Variants in ZFHX3 observed in about 807,000 individuals in gnomAD.
ZFHX3 encodes zinc finger homeobox protein 3.
A neutral mutation model predicts 279.1 loss-of-function variants in ZFHX3; 42 were observed. The observed-to-expected ratio is 0.15, with a 90% CI of 0.12 to 0.19. The LOEUF (loss-of-function observed/expected upper bound fraction) is 0.19, where lower values mean the gene tolerates loss of function less well. ZFHX3 is among the 10% of genes least tolerant of loss of function. ZFHX3 has a pLI of 1.00. For missense variants in ZFHX3, 4,981 were observed against 4,754.0 expected, an observed-to-expected ratio of 1.05 and a Z score of -1.40; for synonymous variants, 2,293 against 1,957.8, an observed-to-expected ratio of 1.17 and a Z score of -4.52.
Position 72,850,811 on chromosome 16 carries a change from A to C in ZFHX3, c.3449-20952T>G, listed in dbSNP as rs914514862. Among the ~76,000 whole-genome samples the C allele has an allele frequency of 4.6e-5, 7 of 152,136 alleles. No individual in the cohort carries two copies. The South Asian group carries it at 1.5e-3, about 32-fold the overall frequency. On this transcript the variant is annotated intron_variant, in intron 4 of 9. Transcript: ENST00000268489. ...AAGCCTAAAATTAAAAAAAATAATA[A>C]ATCAAAAAAGGAAGAAAAATCACTA...
At chr16:73,822,154 C>T (rs954186431) in intron 1 of ZFHX3, among the ~76,000 whole-genome samples, 3 of 152,190 alleles carry the variant, frequency 2.0e-5, no homozygotes, top group African/African-American at 7.2e-5. Context: ...CCAATGCCAG[C>T]CCAGGTGAGA....
chr16:73,175,376 T>C (rs577379468), intron 5 of ZFHX3, among the ~76,000 whole-genome samples: 2 of 143,774 alleles, frequency 1.4e-5, no homozygotes, highest in African/African-American at 5.3e-5. Context: ...AGAGACTATG[T>C]CTCCAAAACA....
intron 1 of ZFHX3, among the ~76,000 whole-genome samples, chr16:73,833,668 G>A (rs1187265036): frequency 2.0e-5 from 3 of 151,754 alleles, no homozygotes. Flanking sequence ...ATGGGTTGAT[G>A]GGTGCAGCAA....
chr16:73,051,715 A>G (rs954117527), upstream of ZFHX3, among the ~76,000 whole-genome samples: 4 of 152,238 alleles, frequency 2.6e-5, no homozygotes, highest in Non-Finnish European at 4.4e-5. Context: ...TTCTAAATTA[A>G]TTTTAAGTTA....
At chr16:73,370,771 CT>C (rs2016614735) in intron 3 of ZFHX3, among the ~76,000 whole-genome samples, 1 of 152,222 alleles carries the variant, frequency 6.6e-6, no homozygotes, top group African/African-American at 2.4e-5. Context: ...TGGCTCCTTT[CT>C]TTTGGCACTT....
At chr16:73,142,894 A>G (rs1347815445) in intron 6 of ZFHX3, among the ~76,000 whole-genome samples, 4 of 152,194 alleles carry the variant, frequency 2.6e-5, no homozygotes, top group African/African-American at 9.6e-5. Context: ...CCATATTAAC[A>G]AGGCCATTAA....
At chr16:73,516,619 T>C (rs1490670745) in intron 2 of ZFHX3, among the ~76,000 whole-genome samples, 1 of 152,162 alleles carries the variant, frequency 6.6e-6, no homozygotes, top group East Asian at 1.9e-4. Context: ...ATGTGAGAAT[T>C]GAACCTCAGA....
chr16:73,282,603 A>T (rs187937835), intron 4 of ZFHX3, among the ~76,000 whole-genome samples: 1 of 152,282 alleles, frequency 6.6e-6, no homozygotes, highest in East Asian at 1.9e-4. Context: ...CGATTAAATT[A>T]AGCCTTTTCT....
intron 8 of ZFHX3, among the ~76,000 whole-genome samples, chr16:73,080,798 C>T (rs1965934145): frequency 6.6e-6 from 1 of 152,116 alleles, no homozygotes; most frequent in Admixed American, 6.5e-5. Flanking sequence ...AGGCTCTGGT[C>T]TCGAACTCCT....
chr16:73,198,497 G>A (rs73597316), intron 5 of ZFHX3, among the ~76,000 whole-genome samples: 10,345 of 148,264 alleles, frequency 0.07, 1,143 homozygotes, highest in African/African-American at 0.23. Flanking sequence ...TAAGACTCAA[G>A]TGAGAGCTTG....
chr16:73,314,151 G>A (rs1272144567), intron 4 of ZFHX3, among the ~76,000 whole-genome samples: 2 of 152,182 alleles, frequency 1.3e-5, no homozygotes, highest in Non-Finnish European at 2.9e-5. Context: ...TCTTTAAGAG[G>A]TGGGTCTCAT....
At chr16:73,539,380 G>C (rs1430049703) in intron 2 of ZFHX3, among the ~76,000 whole-genome samples, 1 of 126,014 alleles carries the variant, frequency 7.9e-6, no homozygotes, top group Non-Finnish European at 1.6e-5. Context: ...AAACTTCCTT[G>C]TTGCTATGGC....
At chr16:73,386,050 C>G (rs1567467819) in intron 3 of ZFHX3, among the ~76,000 whole-genome samples, 1 of 152,196 alleles carries the variant, frequency 6.6e-6, no homozygotes. Context: ...ACTAAAGAAA[C>G]TACCGAAGGG....
intron 2 of ZFHX3, among the ~76,000 whole-genome samples, chr16:73,557,943 C>A (rs544981268): frequency 1.3e-5 from 2 of 152,308 alleles, no homozygotes; most frequent in South Asian, 4.1e-4. Context: ...ATTCTGGAGC[C>A]TCTCTGTGGA....
rs569604579 is a variant in ZFHX3, at chr16:73,010,959, C to T, written c.-50+36793G>A. Among the ~76,000 whole-genome samples the T allele has an allele frequency of 1.4e-4, 21 of 152,178 alleles. No individual in the cohort carries two copies. The East Asian group carries it at 1.7e-3, about 13-fold the overall frequency. ...AGCTAGGACTACAGGTGTGCACCACCGCACTGGGTTAATTTTTTGTTTGTT... is the reference window on the plus strand; with the variant it reads ...AGCTAGGACTACAGGTGTGCACCACTGCACTGGGTTAATTTTTTGTTTGTT... On this transcript the variant is annotated intron_variant, in intron 1 of 9. Coordinates refer to ENST00000268489, the MANE Select transcript of ZFHX3 (RefSeq NM_006885.4).
At chr16:73,726,122 C>G (rs2053516462) in intron 1 of ZFHX3, among the ~76,000 whole-genome samples, 1 of 152,126 alleles carries the variant, frequency 6.6e-6, no homozygotes, top group Admixed American at 6.5e-5. Context: ...GGTAACAGAT[C>G]AGATGCAAAT....
chr16:73,317,032 T>C (rs2015466212), intron 4 of ZFHX3, among the ~76,000 whole-genome samples: 1 of 152,106 alleles, frequency 6.6e-6, no homozygotes, highest in South Asian at 2.1e-4. Context: ...CTCTTTTTAA[T>C]AAACACAGGA....
chr16:73,480,320 C>A (rs994698185), intron 2 of ZFHX3, among the ~76,000 whole-genome samples: 1 of 152,102 alleles, frequency 6.6e-6, no homozygotes, highest in African/African-American at 2.4e-5. Flanking sequence ...TCTCTATTAG[C>A]GGCCACCACC....
At chr16:73,374,215 A>G (rs2016682968) in intron 3 of ZFHX3, among the ~76,000 whole-genome samples, 1 of 152,242 alleles carries the variant, frequency 6.6e-6, no homozygotes, top group Non-Finnish European at 1.5e-5. Context: ...GAATTTTTAA[A>G]CATATATACA....
Sources: gnomAD v4.1 joint callset for allele counts (sites outside exome capture counted in the v4.1 genomes callset) on GRCh38, gnomAD v4.1.1 for gene constraint, MANE v1.5 for transcripts, NCBI Gene and HGNC (gene_info 2026-07-23, HGNC 2026-07-21) for gene names.